TEK: variants seen among roughly 807,000 people sequenced by gnomAD.
TEK encodes angiopoietin-1 receptor.
A neutral mutation model predicts 131.8 loss-of-function variants in TEK; 43 were observed. The ratio of observed to expected loss-of-function variants is 0.33; its 90% CI spans 0.26 to 0.42. TEK has a LOEUF of 0.42. TEK is among the 10% of genes least tolerant of loss of function. The probability of loss-of-function intolerance (pLI) is 1.00; values close to 1 mark genes in which losing one functional copy is unlikely to be tolerated. For missense variants in TEK, 1,162 were observed against 1,384.4 expected, an observed-to-expected ratio of 0.84 and a Z score of 2.55; for synonymous variants, 580 against 491.6, an observed-to-expected ratio of 1.18 and a Z score of -2.38.
chr9:27,129,755 A>C (rs1309856464), intron 1 of TEK, among the ~76,000 whole-genome samples: 1 of 152,192 alleles, frequency 6.6e-6, no homozygotes, highest in Non-Finnish European at 1.5e-5. Flanking sequence ...CTGACAGAAT[A>C]AGCATTTTTC....
At chr9:27,216,254 TAGGG>T (rs1397841550) in intron 18 of TEK, among the ~76,000 whole-genome samples, 8 of 151,878 alleles carry the variant, frequency 5.3e-5, no homozygotes, top group Non-Finnish European at 7.4e-5. Context: ...AACAGACAAT[TAGGG>T]AGGGAGATCA....
chr9:27,217,001 T>A (rs1825840512), intron 18 of TEK, among the ~76,000 whole-genome samples: 2 of 152,200 alleles, frequency 1.3e-5, no homozygotes, highest in Non-Finnish European at 2.9e-5. Flanking sequence ...CTTTACAATG[T>A]CCAGGCACAT....
At chr9:27,217,829 A>T (rs1376854422) in intron 19 of TEK, 71 bp downstream of exon 19, 23 of 1,344,974 alleles carry the variant, frequency 1.7e-5, no homozygotes, top group Non-Finnish European at 9.6e-6. Flanking sequence ...CAGAGGTTTT[A>T]AAAAGATACA....
At chr9:27,213,881 C>T (rs1043155357) in intron 18 of TEK, among the ~76,000 whole-genome samples, 30 of 152,164 alleles carry the variant, frequency 2.0e-4, no homozygotes, top group Admixed American at 2.0e-3. Flanking sequence ...GTCCAGACCC[C>T]AAGGCATCTC....
chr9:27,158,190 A>G (rs2131120350), intron 2 of TEK, 48 bp downstream of exon 2: 1 of 1,609,340 alleles, frequency 6.2e-7, no homozygotes. Context: ...TGAGGAACAC[A>G]CACACCTTTT....
chr9:27,202,071 T>G (rs1186338591), intron 12 of TEK, among the ~76,000 whole-genome samples: 1 of 152,226 alleles, frequency 6.6e-6, no homozygotes, highest in African/African-American at 2.4e-5. Flanking sequence ...CCTTCTAGCC[T>G]GTGCCCTTTA....
intron 1 of TEK, among the ~76,000 whole-genome samples, chr9:27,110,043 T>C (rs1821275507): frequency 1.3e-5 from 2 of 152,122 alleles, no homozygotes; most frequent in African/African-American, 2.4e-5. Flanking sequence ...ATGAAATTCA[T>C]GCTGAGAAAT....
intron 21 of TEK, among the ~76,000 whole-genome samples, chr9:27,220,617 T>C (rs1388858769): frequency 6.6e-6 from 1 of 152,186 alleles, no homozygotes; most frequent in Non-Finnish European, 1.5e-5. Flanking sequence ...GCTCATCTCA[T>C]AGGGACTGGT....
intron 1 of TEK, among the ~76,000 whole-genome samples, chr9:27,140,973 C>CT (rs1364365563): frequency 6.6e-6 from 1 of 151,698 alleles, no homozygotes; most frequent in African/African-American, 2.4e-5. Flanking sequence ...TTTATTGGTC[C>CT]TTTTTTCTTT....
intron 1 of TEK, among the ~76,000 whole-genome samples, chr9:27,139,666 G>A (rs1463095788): frequency 6.6e-6 from 1 of 151,000 alleles, no homozygotes. Flanking sequence ...CTTTTTTTTT[G>A]TTCAACAATA....
intron 18 of TEK, among the ~76,000 whole-genome samples, chr9:27,215,560 GTTTTTT>G (rs58505932): frequency 7.0e-6 from 1 of 142,012 alleles, no homozygotes; most frequent in Non-Finnish European, 1.5e-5. Context: ...CTGCATTAGG[GTTTTTT>G]TTTTTTTTTT....
Position 27,185,586 on chromosome 9 carries a change from A to C in TEK, c.1284A>C (p.Thr428=), listed in dbSNP as rs1350021734. The change falls in exon 9 of 23, where the codon ACA becomes ACC. Residue 428 remains threonine, a synonymous_variant. Coordinates refer to ENST00000380036, the MANE Select transcript of TEK (RefSeq NM_000459.5). ...DSGVWVCSVN[T]VAGMVEKPFN... The stretch of plus-strand genomic sequence containing the variant: ...GAGTTTGGGTCTGCAGTGTGAACAC[A>C]GTGGCTGGGATGGTGGAAAAGCCCT... The C allele has an allele frequency of 6.2e-7, 1 of 1,613,840 alleles. No individual in the cohort carries two copies. Among genetic ancestry groups the C allele is most frequent in the South Asian group, 1.1e-5 (1 of 91,082 alleles).
rs760693608 is a variant in TEK, at chr9:27,202,781, G to C, written c.1910-39G>C. ...AAGCATAATGATCTAGGCCATGGTAGTATATCTTAAGTGAATCTTTTTTCT... is the reference window on the plus strand; with the variant it reads ...AAGCATAATGATCTAGGCCATGGTACTATATCTTAAGTGAATCTTTTTTCT... On this transcript the variant is annotated intron_variant, in intron 12 of 22. Coordinates refer to ENST00000380036, the MANE Select transcript of TEK (RefSeq NM_000459.5). The C allele has an allele frequency of 3.1e-6, 5 of 1,594,352 alleles. No homozygotes were observed. The East Asian group carries it at 1.1e-4, about 36-fold the overall frequency.
chr9:27,208,412 A>G (rs1564099057), intron 15 of TEK, among the ~76,000 whole-genome samples: 1 of 152,004 alleles, frequency 6.6e-6, no homozygotes, highest in Non-Finnish European at 1.5e-5. Flanking sequence ...TTATGCACCA[A>G]CCAATAGCCT....
At chr9:27,115,266 A>G (rs974365487) in intron 1 of TEK, among the ~76,000 whole-genome samples, 2 of 152,172 alleles carry the variant, frequency 1.3e-5, no homozygotes, top group African/African-American at 4.8e-5. Context: ...TGGGAGACTG[A>G]GGCAGACAAA....
intron 20 of TEK, 47 bp from the exon 21 acceptor site, chr9:27,220,002 G>C (rs1258702520): frequency 2.5e-6 from 4 of 1,591,356 alleles, no homozygotes; most frequent in Non-Finnish European, 2.6e-6. Flanking sequence ...AGGAAGCATT[G>C]CTTTTCATGC....
At chr9:27,191,570 G>A (rs79250370) in intron 10 of TEK, among the ~76,000 whole-genome samples, 7,852 of 147,506 alleles carry the variant, frequency 0.053, 227 homozygotes, top group Middle Eastern at 0.082. Context: ...TCACTATATG[G>A]AGATAATTAA....
intron 11 of TEK, among the ~76,000 whole-genome samples, chr9:27,196,762 C>CTTTTTT (rs367911024): frequency 1.0e-5 from 1 of 99,284 alleles, no homozygotes; most frequent in African/African-American, 4.0e-5. Flanking sequence ...GTGCTATACA[C>CTTTTTT]TTTTTTTTTT....
At chr9:27,173,737 G>GTTTTTTTTTTTTTTTTTTTTTTGT (rs35971876) in intron 6 of TEK, among the ~76,000 whole-genome samples, 1 of 93,984 alleles carries the variant, frequency 1.1e-5, no homozygotes, top group African/African-American at 4.0e-5. Flanking sequence ...TTTTTTTTTG[G>GTTTTTTTTTTTTTTTTTTTTTTGT]TTTTTTTTTT....
Sources: gnomAD v4.1 joint callset for allele counts (sites outside exome capture counted in the v4.1 genomes callset) on GRCh38, gnomAD v4.1.1 for gene constraint, MANE v1.5 for transcripts, NCBI Gene and HGNC (gene_info 2026-07-23, HGNC 2026-07-21) for gene names.